The following ADGRV1 variants were observed in gnomAD, a reference collection of about 807,000 sequenced individuals.
The protein encoded by ADGRV1 is adhesion G protein-coupled receptor V1.
Under a neutral mutation model 596.2 loss-of-function variants are expected in ADGRV1, and 359 were observed. The ratio of observed to expected loss-of-function variants is 0.60; its 90% CI spans 0.55 to 0.66. ADGRV1 has a LOEUF of 0.66. Ranked by LOEUF, ADGRV1 falls within the 30% of genes least tolerant of loss-of-function variation. The pLI, the probability that ADGRV1 is intolerant of heterozygous loss-of-function variation, is 0.00. For missense variants in ADGRV1, 7,274 were observed against 7,575.6 expected, an observed-to-expected ratio of 0.96 and a Z score of 1.48; for synonymous variants, 2,681 against 2,679.2, an observed-to-expected ratio of 1.00 and a Z score of -0.02.
chr5:90,721,525 A>AAAATTAAATTAAAATT (rs57822565), intron 45 of ADGRV1, among the ~76,000 whole-genome samples: 1 of 80,658 alleles, frequency 1.2e-5, no homozygotes, highest in Non-Finnish European at 2.8e-5. Context: ...AAAATAAAAT[A>AAAATTAAATTAAAATT]AAAATAAAAA....
At chr5:90,695,465 A>G (rs992804396) in intron 33 of ADGRV1, among the ~76,000 whole-genome samples, 1 of 151,784 alleles carries the variant, frequency 6.6e-6, no homozygotes, top group Non-Finnish European at 1.5e-5. Flanking sequence ...GGGCAGTTAT[A>G]TATTCCACAA....
intron 9 of ADGRV1, among the ~76,000 whole-genome samples, chr5:90,630,663 T>C (rs928939666): frequency 1.3e-5 from 2 of 152,198 alleles, no homozygotes; most frequent in Admixed American, 1.3e-4. Flanking sequence ...AACTGAAGTA[T>C]ATAGCAAATG....
At chr5:90,805,233 A>G in intron 71 of ADGRV1, 51 bp from the exon 72 acceptor site, 4 of 1,521,850 alleles carry the variant, frequency 2.6e-6, no homozygotes, top group Non-Finnish European at 3.6e-6. Flanking sequence ...TCCTCAGAAA[A>G]CAGGAAGGTT....
intron 74 of ADGRV1, among the ~76,000 whole-genome samples, chr5:90,813,700 T>G (rs1323888632): frequency 1.3e-5 from 2 of 152,196 alleles, no homozygotes; most frequent in Non-Finnish European, 2.9e-5. Flanking sequence ...CATAATACCT[T>G]AAGTTCCTTT....
chr5:90,693,567 TC>T (rs1366401793), intron 32 of ADGRV1, among the ~76,000 whole-genome samples: 4 of 152,192 alleles, frequency 2.6e-5, no homozygotes, highest in Admixed American at 2.6e-4. Flanking sequence ...ATGTTTGTTA[TC>T]ATTGTTACTT....
At chr5:91,114,030 G>A (rs1282656252) in intron 87 of ADGRV1, among the ~76,000 whole-genome samples, 4 of 151,268 alleles carry the variant, frequency 2.6e-5, no homozygotes, top group Admixed American at 6.6e-5. Flanking sequence ...CAGCCTGGCC[G>A]ACATAGTGAA....
At chr5:90,860,885 C>G (rs1767487711) in intron 82 of ADGRV1, among the ~76,000 whole-genome samples, 1 of 152,040 alleles carries the variant, frequency 6.6e-6, no homozygotes, top group Non-Finnish European at 1.5e-5. Flanking sequence ...TAATACTTGT[C>G]TTGTGAAAGA....
Position 90,674,068 on chromosome 5 carries a change from T to C in ADGRV1, c.4944T>C (p.Tyr1648=), listed in dbSNP as rs1283240211. 1 of 1,610,684 alleles carries C rather than the reference T, an allele frequency of 6.2e-7. No individual in the cohort carries two copies. Among genetic ancestry groups the C allele is most frequent in the Non-Finnish European group, 8.5e-7 (1 of 1,177,358 alleles). ...TATATTTTTAGGTTCTGAATATATATGTTCTTGATGATGATATTCCTGAAC... is the reference window on the plus strand; with the variant it reads ...TATATTTTTAGGTTCTGAATATATACGTTCTTGATGATGATATTCCTGAAC... ...PWQRSEVLNI[Y]VLDDDIPELN... is the part of the protein sequence containing the mutation. The change falls in exon 23 of 90, where the codon TAT becomes TAC. Residue 1648 remains tyrosine (Y), a synonymous_variant. Coordinates refer to ENST00000405460, the MANE Select transcript of ADGRV1 (RefSeq NM_032119.4).
chr5:91,073,861 C>T (rs146183539), intron 86 of ADGRV1, among the ~76,000 whole-genome samples: 1 of 152,094 alleles, frequency 6.6e-6, no homozygotes, highest in African/African-American at 2.4e-5. Flanking sequence ...CCATGCCTGG[C>T]CAACTTTTGT....
At chr5:91,012,263 A>G (rs1782782484) in intron 85 of ADGRV1, among the ~76,000 whole-genome samples, 1 of 152,002 alleles carries the variant, frequency 6.6e-6, no homozygotes, top group Non-Finnish European at 1.5e-5. Flanking sequence ...CAACTGTTAG[A>G]CATTCCGTTT....
At chr5:91,153,464 T>G in intron 89 of ADGRV1, 66 bp downstream of exon 89, 1 of 1,266,334 alleles carries the variant, frequency 7.9e-7, no homozygotes, top group Non-Finnish European at 1.1e-6. Context: ...TTATATTTTC[T>G]TTCCATGAAG....
At chr5:90,572,737 G>C (rs1306312885) in intron 1 of ADGRV1, among the ~76,000 whole-genome samples, 1 of 152,144 alleles carries the variant, frequency 6.6e-6, no homozygotes, top group East Asian at 1.9e-4. Flanking sequence ...AAGGAAAAAA[G>C]TTGAGACCGT....
At chr5:90,976,534 A>T (rs1355168230) in intron 84 of ADGRV1, among the ~76,000 whole-genome samples, 1 of 151,804 alleles carries the variant, frequency 6.6e-6, no homozygotes, top group Non-Finnish European at 1.5e-5. Context: ...TTGCACTCTG[A>T]ATATTTGTTT....
chr5:90,574,290 G>T (rs947862136), intron 1 of ADGRV1, among the ~76,000 whole-genome samples: 2 of 151,958 alleles, frequency 1.3e-5, no homozygotes, highest in East Asian at 1.9e-4. Flanking sequence ...CAATCCATAA[G>T]AATAGAATAT....
At chr5:90,984,019 A>C (rs988441690) in intron 84 of ADGRV1, among the ~76,000 whole-genome samples, 1 of 152,188 alleles carries the variant, frequency 6.6e-6, no homozygotes, top group Non-Finnish European at 1.5e-5. Flanking sequence ...TCTTAATAAG[A>C]GATTTAAGAA....
chr5:91,052,471 G>T (rs540121910), intron 85 of ADGRV1, among the ~76,000 whole-genome samples: 1 of 147,438 alleles, frequency 6.8e-6, no homozygotes, highest in Non-Finnish European at 1.5e-5. Flanking sequence ...TTGCTCTGTC[G>T]CCCAGGCTGG....
At chr5:90,794,734 G>A (rs1168990588) in intron 70 of ADGRV1, among the ~76,000 whole-genome samples, 2 of 152,174 alleles carry the variant, frequency 1.3e-5, no homozygotes, top group Non-Finnish European at 2.9e-5. Context: ...CTCCCAGTGA[G>A]ATCGACGCAG....
At chr5:90,614,541 T>G (rs905477770) in intron 1 of ADGRV1, among the ~76,000 whole-genome samples, 1 of 152,120 alleles carries the variant, frequency 6.6e-6, no homozygotes. Flanking sequence ...CAATAAATTT[T>G]TTACATGAAC....
intron 33 of ADGRV1, among the ~76,000 whole-genome samples, chr5:90,696,095 A>G (rs1427009787): frequency 6.6e-6 from 1 of 152,160 alleles, no homozygotes; most frequent in African/African-American, 2.4e-5. Context: ...GCAGGGTCAC[A>G]AAAGAGAGAA....
Sources: gnomAD v4.1 joint callset for allele counts (sites outside exome capture counted in the v4.1 genomes callset) on GRCh38, gnomAD v4.1.1 for gene constraint, MANE v1.5 for transcripts, NCBI Gene and HGNC (gene_info 2026-07-23, HGNC 2026-07-21) for gene names.